Variants in SLC8A1 observed in about 807,000 individuals in gnomAD.
SLC8A1 encodes the protein sodium/calcium exchanger 1.
Under a neutral mutation model 68.3 loss-of-function variants are expected in SLC8A1, and 18 were observed. That is an observed-to-expected ratio of 0.26 (90% CI 0.18 to 0.39). The LOEUF (loss-of-function observed/expected upper bound fraction) is 0.39. SLC8A1 is among the 10% of genes least tolerant of loss of function. The probability of loss-of-function intolerance (pLI) is 1.00; values close to 1 mark genes in which losing one functional copy is unlikely to be tolerated. For synonymous variants in SLC8A1, 475 were observed against 415.5 expected (o/e 1.14, Z -1.74); for missense variants, 985 against 1,156.7 (o/e 0.85, Z 2.15).
chr2:40,418,188 A>T (rs2149730868), intron 2 of SLC8A1, among the ~76,000 whole-genome samples: 1 of 152,288 alleles, frequency 6.6e-6, no homozygotes, highest in Non-Finnish European at 1.5e-5. Context: ...TTGTCAGATA[A>T]ATATCTGGAC....
intron 2 of SLC8A1, among the ~76,000 whole-genome samples, chr2:40,425,147 C>G (rs1696520808): frequency 6.6e-6 from 1 of 151,752 alleles, no homozygotes; most frequent in East Asian, 1.9e-4. Flanking sequence ...CATGTGCTAG[C>G]TGTTAATTAT....
intron 2 of SLC8A1, among the ~76,000 whole-genome samples, chr2:40,195,577 C>T (rs1023924598): frequency 1.3e-5 from 2 of 151,930 alleles, no homozygotes; most frequent in Admixed American, 6.6e-5. Context: ...TCTATAACTT[C>T]TATTAATTAT....
intron 2 of SLC8A1, chr2:40,208,433 C>G (rs1351531794): frequency 6.6e-6 from 1 of 152,158 alleles, no homozygotes; most frequent in African/African-American, 2.4e-5. Flanking sequence ...TGCATACTCC[C>G]TGAATATTAG....
chr2:40,342,433 ATAAT>A (rs761757840), intron 2 of SLC8A1, among the ~76,000 whole-genome samples: 37 of 152,176 alleles, frequency 2.4e-4, no homozygotes, highest in Non-Finnish European at 3.2e-4. Flanking sequence ...TGTTGTAGAG[ATAAT>A]TAGAGTGGGA....
intron 2 of SLC8A1, among the ~76,000 whole-genome samples, chr2:40,423,448 G>C (rs1236320763): frequency 6.6e-6 from 1 of 151,860 alleles, no homozygotes; most frequent in Non-Finnish European, 1.5e-5. Flanking sequence ...CCCACTGATG[G>C]CCACAAATCT....
At chr2:40,108,765 T>C (rs1334051794) in exon 8 of SLC8A1, 2 of 152,206 alleles carry the variant, frequency 1.3e-5, no homozygotes, top group Non-Finnish European at 2.9e-5. Flanking sequence ...AGTTGGTTAC[T>C]TAATTGGACT....
At chr2:40,468,663 A>T (rs927352159) in intron 1 of SLC8A1, among the ~76,000 whole-genome samples, 8 of 152,162 alleles carry the variant, frequency 5.3e-5, no homozygotes, top group Admixed American at 2.0e-4. Context: ...ACATATGCAA[A>T]GCAGAAGGAA....
intron 2 of SLC8A1, among the ~76,000 whole-genome samples, chr2:40,364,596 C>A (rs761846130): frequency 9.2e-5 from 14 of 151,874 alleles, no homozygotes; most frequent in Non-Finnish European, 1.9e-4. Flanking sequence ...TATTTTTCCA[C>A]CCTCAGATAA....
At chr2:40,423,102 A>T (rs192055147) in intron 2 of SLC8A1, among the ~76,000 whole-genome samples, 5 of 152,264 alleles carry the variant, frequency 3.3e-5, no homozygotes, top group African/African-American at 1.2e-4. Context: ...GGTTGGTTTA[A>T]GTACCCTTAT....
intron 2 of SLC8A1, among the ~76,000 whole-genome samples, chr2:40,365,305 A>G (rs1249544673): frequency 1.3e-5 from 2 of 152,084 alleles, no homozygotes; most frequent in Non-Finnish European, 2.9e-5. Flanking sequence ...TTGACATATC[A>G]TATTTTTATA....
intron 3 of SLC8A1, among the ~76,000 whole-genome samples, chr2:40,176,888 A>G (rs149766937): frequency 4.9e-4 from 74 of 152,318 alleles, no homozygotes; most frequent in African/African-American, 1.6e-3. Flanking sequence ...AATGGCCACC[A>G]TTAGAGGATA....
chr2:40,341,912 C>T (rs1667819396), intron 2 of SLC8A1, among the ~76,000 whole-genome samples: 1 of 152,096 alleles, frequency 6.6e-6, no homozygotes. Context: ...ATTATGTATT[C>T]TATCTGCCTG....
intron 1 of SLC8A1, among the ~76,000 whole-genome samples, chr2:40,512,072 C>G (rs1319643083): frequency 6.6e-6 from 1 of 152,058 alleles, no homozygotes; most frequent in Non-Finnish European, 1.5e-5. Context: ...GACTTGTATC[C>G]ACAAAATTCC....
chr2:40,305,295 C>G (rs1045866200), intron 2 of SLC8A1, among the ~76,000 whole-genome samples: 2 of 152,180 alleles, frequency 1.3e-5, no homozygotes, highest in African/African-American at 4.8e-5. Context: ...TCGAGTTCAG[C>G]ACTGGATGTT....
intron 1 of SLC8A1, among the ~76,000 whole-genome samples, chr2:40,440,518 A>G (rs912766384): frequency 2.0e-5 from 3 of 152,182 alleles, no homozygotes; most frequent in Admixed American, 6.5e-5. Context: ...TATATAGCAA[A>G]GTGCGAGGCA....
At chr2:40,164,946 C>T (rs1357557301) in exon 5 of SLC8A1, 3 of 1,613,864 alleles carry the variant, frequency 1.9e-6, no homozygotes, top group Admixed American at 1.7e-5. Flanking sequence ...CTCTCCTCTT[C>T]CTCTTTGCTG....
rs1483962452 is a variant in SLC8A1, at chr2:40,136,735, A to T, written c.2437+2666T>A. Among the ~76,000 whole-genome samples the T allele has an allele frequency of 2.6e-5, 4 of 152,360 alleles. No individual in the cohort carries two copies. The East Asian group carries it at 5.8e-4, about 22-fold the overall frequency. ...CATCATTTTTCTTAGGAGTCAGGAT[A>T]TATAATAAAACATTGCTCTGAATCA... On this transcript the variant is annotated intron_variant, in intron 7 of 7. Coordinates refer to ENST00000406785, the Ensembl canonical transcript of SLC8A1.
intron 3 of SLC8A1, among the ~76,000 whole-genome samples, chr2:40,176,381 A>T (rs2048469801): frequency 6.6e-6 from 1 of 152,208 alleles, no homozygotes; most frequent in Non-Finnish European, 1.5e-5. Context: ...CCTCCTTGAG[A>T]TAAAGTTCTT....
intron 1 of SLC8A1, among the ~76,000 whole-genome samples, chr2:40,461,046 T>A (rs889236738): frequency 6.6e-6 from 1 of 152,130 alleles, no homozygotes; most frequent in Non-Finnish European, 1.5e-5. Context: ...AATATAGCCA[T>A]TTTTTTCTTT....
Sources: gnomAD v4.1 joint callset for allele counts (sites outside exome capture counted in the v4.1 genomes callset) on GRCh38, gnomAD v4.1.1 for gene constraint, MANE v1.5 for transcripts, NCBI Gene and HGNC (gene_info 2026-07-23, HGNC 2026-07-21) for gene names.